DAB1: variants seen among roughly 807,000 people sequenced by gnomAD.
DAB1 encodes the protein disabled homolog 1.
Under a neutral mutation model 64.6 loss-of-function variants are expected in DAB1, and 15 were observed. The ratio of observed to expected loss-of-function variants is 0.23; its 90% CI spans 0.16 to 0.36. The LOEUF (loss-of-function observed/expected upper bound fraction) is 0.36, where lower values mean the gene tolerates loss of function less well. Ranked by LOEUF, DAB1 falls within the 10% of genes least tolerant of loss-of-function variation. The pLI is 1.00. For missense variants in DAB1, 596 were observed against 706.7 expected, an observed-to-expected ratio of 0.84 and a Z score of 1.78; for synonymous variants, 235 against 251.9, an observed-to-expected ratio of 0.93 and a Z score of 0.64.
chr1:57,431,957 A>G (rs1288013937), intron 7 of DAB1, among the ~76,000 whole-genome samples: 1 of 152,156 alleles, frequency 6.6e-6, no homozygotes, highest in Non-Finnish European at 1.5e-5. Flanking sequence ...CCCCGTCTCT[A>G]CTAAAAATAC....
At chr1:57,326,855 G>A (rs890369847) in intron 1 of DAB1, among the ~76,000 whole-genome samples, 2 of 152,100 alleles carry the variant, frequency 1.3e-5, no homozygotes, top group African/African-American at 4.8e-5. Context: ...CACACTGGGG[G>A]CTTAGGGCTT....
At chr1:57,026,192 C>T in intron 9 of DAB1, 149 bp from the exon 10 acceptor site, 1 of 611,512 alleles carries the variant, frequency 1.6e-6, no homozygotes, top group Non-Finnish European at 2.9e-6. Context: ...TACTATACCT[C>T]AGGATCCCAA....
intron 4 of DAB1, among the ~76,000 whole-genome samples, chr1:58,251,121 T>A (rs1660783964): frequency 6.6e-6 from 1 of 152,206 alleles, no homozygotes; most frequent in South Asian, 2.1e-4. Context: ...GAGAATCACA[T>A]GAGACAAGCA....
intron 2 of DAB1, among the ~76,000 whole-genome samples, chr1:57,288,564 G>A (rs1672519106): frequency 3.3e-5 from 5 of 152,174 alleles, no homozygotes; most frequent in Admixed American, 3.3e-4. Flanking sequence ...GAGCCAGGAA[G>A]AGAGCCCTCA....
chr1:57,857,825 A>G (rs2101936674), intron 1 of DAB1, among the ~76,000 whole-genome samples: 1 of 150,376 alleles, frequency 6.6e-6, no homozygotes, highest in East Asian at 1.9e-4. Context: ...TTGCAGTTTT[A>G]TCAGTATGGA....
At chr1:57,313,325 G>C (rs1674897208) in intron 1 of DAB1, among the ~76,000 whole-genome samples, 1 of 152,204 alleles carries the variant, frequency 6.6e-6, no homozygotes. Flanking sequence ...ACAGTCAGGG[G>C]ACCTGAGCAC....
chr1:57,899,403 T>C (rs1644440152), intron 5 of DAB1, among the ~76,000 whole-genome samples: 1 of 152,142 alleles, frequency 6.6e-6, no homozygotes, highest in Admixed American at 6.6e-5. Context: ...ATTCTCTCAT[T>C]ATGTCCTATT....
intron 3 of DAB1, among the ~76,000 whole-genome samples, chr1:58,472,901 G>A (rs536478532): frequency 1.3e-5 from 2 of 152,202 alleles, no homozygotes; most frequent in East Asian, 1.9e-4. Flanking sequence ...ACCACAAAGC[G>A]AGAGGGAAAG....
intron 4 of DAB1, among the ~76,000 whole-genome samples, chr1:58,261,070 C>T (rs967529896): frequency 2.0e-5 from 3 of 152,006 alleles, no homozygotes; most frequent in African/African-American, 7.2e-5. Flanking sequence ...TCGGGCTTAT[C>T]AAGAATATAA....
At position 57,088,882 on chromosome 1, in the gene DAB1, T is replaced by A. The variant is rs963857729; in HGVS notation, c.307-16468A>T. Among the ~76,000 whole-genome samples the A allele has an allele frequency of 2.6e-5, 4 of 152,238 alleles. No individual in the cohort carries two copies. The South Asian group carries it at 6.2e-4, about 24-fold the overall frequency. On this transcript the variant is annotated intron_variant, in intron 4 of 14. Transcript: ENST00000371236. Reference sequence around the variant, plus strand: ...ATAGCTTGAGATGCAGGCCCCGGCTTTAAGTGCCTTACACATTCTTTTACT... The same window carrying A: ...ATAGCTTGAGATGCAGGCCCCGGCTATAAGTGCCTTACACATTCTTTTACT...
intron 1 of DAB1, among the ~76,000 whole-genome samples, chr1:57,421,055 G>A (rs1684846826): frequency 6.6e-6 from 1 of 152,074 alleles, no homozygotes; most frequent in African/African-American, 2.4e-5. Flanking sequence ...CTGCCTGCAG[G>A]GTGGCTCCAA....
intron 4 of DAB1, among the ~76,000 whole-genome samples, chr1:58,185,906 G>A (rs1215334970): frequency 6.6e-6 from 1 of 152,166 alleles, no homozygotes; most frequent in Non-Finnish European, 1.5e-5. Flanking sequence ...TAGGGCCATT[G>A]ACCCTAGAGT....
chr1:57,806,175 T>C (rs1248638486), intron 6 of DAB1, among the ~76,000 whole-genome samples: 3 of 152,304 alleles, frequency 2.0e-5, no homozygotes, highest in South Asian at 2.1e-4. Flanking sequence ...TACTTAGTCA[T>C]GTGGCCTCCT....
intron 2 of DAB1, among the ~76,000 whole-genome samples, chr1:58,526,130 A>T (rs1646346368): frequency 6.6e-6 from 1 of 152,118 alleles, no homozygotes; most frequent in Non-Finnish European, 1.5e-5. Context: ...AACACACTTA[A>T]CATATAGGGA....
intron 1 of DAB1, among the ~76,000 whole-genome samples, chr1:57,305,968 CAAAAAAAAAA>C (rs1048177276): frequency 1.6e-5 from 1 of 62,292 alleles, no homozygotes; most frequent in African/African-American, 6.7e-5. Context: ...GACTCCGTCT[CAAAAAAAAAA>C]AAAAAAAGAA....
chr1:57,190,697 G>A lies in DAB1; in HGVS notation c.68-45268C>T, dbSNP rs558693954. Among the ~76,000 whole-genome samples the A allele has an allele frequency of 5.9e-5, 9 of 152,156 alleles. No individual in the cohort carries two copies. The South Asian group carries it at 1.0e-3, about 18-fold the overall frequency. On this transcript the variant is annotated intron_variant, in intron 2 of 14. Transcript: ENST00000371236. ...ATGCATCTAAGATGAAATGCACAGA[G>A]GAATGCAGCATCCCCCGCACCACCA...
At chr1:57,834,254 G>A (rs1438063687) in intron 1 of DAB1, among the ~76,000 whole-genome samples, 1 of 151,880 alleles carries the variant, frequency 6.6e-6, no homozygotes, top group East Asian at 1.9e-4. Flanking sequence ...GAAGCTTTAA[G>A]GAAATAAAAA....
At chr1:57,554,861 C>T (rs556213368) in intron 7 of DAB1, among the ~76,000 whole-genome samples, 2 of 152,136 alleles carry the variant, frequency 1.3e-5, no homozygotes, top group African/African-American at 2.4e-5. Context: ...GAAAATATTA[C>T]AATGTAGAAA....
intron 6 of DAB1, among the ~76,000 whole-genome samples, chr1:57,651,665 C>T (rs1288223612): frequency 6.7e-6 from 1 of 149,174 alleles, no homozygotes; most frequent in Non-Finnish European, 1.5e-5. Context: ...AGAAAACAAA[C>T]AAAAAAAAAA....
Sources: gnomAD v4.1 joint callset for allele counts (sites outside exome capture counted in the v4.1 genomes callset) on GRCh38, gnomAD v4.1.1 for gene constraint, MANE v1.5 for transcripts, NCBI Gene and HGNC (gene_info 2026-07-23, HGNC 2026-07-21) for gene names.